Variants in CCDC178 observed in about 807,000 individuals in gnomAD.
CCDC178 encodes coiled-coil domain-containing protein 178.
Under a neutral mutation model 117.4 loss-of-function variants are expected in CCDC178, and 126 were observed. The observed-to-expected ratio is 1.07, with a 90% CI of 0.93 to 1.24. The LOEUF is 1.24. CCDC178 is among the 50% of genes most tolerant of loss of function. The pLI, the probability that CCDC178 is intolerant of heterozygous loss-of-function variation, is 0.00. For missense variants in CCDC178, 1,030 were observed against 986.9 expected (o/e 1.04, Z -0.59); for synonymous variants, 283 against 313.4 (o/e 0.90, Z 1.02).
intron 18 of CCDC178, among the ~76,000 whole-genome samples, chr18:33,218,600 C>T (rs2059195516): frequency 6.6e-6 from 1 of 152,082 alleles, no homozygotes; most frequent in Non-Finnish European, 1.5e-5. Context: ...ACATTTAAGT[C>T]TTTAATCCAT....
chr18:33,345,988 T>C (rs1014575449), intron 9 of CCDC178, among the ~76,000 whole-genome samples: 2 of 152,040 alleles, frequency 1.3e-5, no homozygotes, highest in African/African-American at 4.8e-5. Context: ...CCACCACGCC[T>C]GGCTAATTTT....
chr18:33,229,595 T>C (rs1457392680), intron 15 of CCDC178, among the ~76,000 whole-genome samples: 1 of 152,144 alleles, frequency 6.6e-6, no homozygotes, highest in East Asian at 1.9e-4. Flanking sequence ...AAGCTGGCAA[T>C]TGATGGAACC....
At chr18:33,400,272 A>G (rs781306648) in intron 3 of CCDC178, among the ~76,000 whole-genome samples, 7 of 152,078 alleles carry the variant, frequency 4.6e-5, no homozygotes, top group Non-Finnish European at 8.8e-5. Flanking sequence ...ATGGTAAATG[A>G]GCATTAACTT....
intron 7 of CCDC178, among the ~76,000 whole-genome samples, chr18:33,354,460 T>G (rs1357029081): frequency 6.6e-6 from 1 of 152,154 alleles, no homozygotes; most frequent in Non-Finnish European, 1.5e-5. Context: ...TTCATTTTTC[T>G]TTATTCTCTT....
chr18:32,960,938 G>A lies in CCDC178; in HGVS notation c.2523+13609C>T, dbSNP rs149781535. Among the ~76,000 whole-genome samples, 1,192 of 152,034 alleles carry A rather than the reference G, an allele frequency of 7.8e-3. 10 individuals are homozygous for A. Among genetic ancestry groups the A allele is most frequent in the Non-Finnish European group, 0.013 (872 of 67,958 alleles). On this transcript the variant is annotated intron_variant, in intron 22 of 22. Transcript: ENST00000383096. ...TATTATTCATTTATAATAATTCCAT[G>A]TTGTTAGAAAACTTATTCTTTACTA...
chr18:33,372,016 G>GTAA (rs2144763927), intron 5 of CCDC178, among the ~76,000 whole-genome samples: 1 of 152,144 alleles, frequency 6.6e-6, no homozygotes, highest in African/African-American at 2.4e-5. Context: ...AACAAGAATA[G>GTAA]TAATGATTCC....
intron 12 of CCDC178, among the ~76,000 whole-genome samples, chr18:33,286,694 C>A (rs2060102167): frequency 6.6e-6 from 1 of 151,936 alleles, no homozygotes; most frequent in Non-Finnish European, 1.5e-5. Context: ...CCAAAGGAAT[C>A]CACTTATATG....
intron 18 of CCDC178, among the ~76,000 whole-genome samples, chr18:33,220,381 A>G (rs189910): frequency 0.16 from 24,466 of 152,024 alleles, 2,742 homozygotes; most frequent in African/African-American, 0.32. Context: ...AGCTAGTTTA[A>G]GTGGTGATGA....
At chr18:33,050,935 TAG>T (rs1257479726) in intron 21 of CCDC178, among the ~76,000 whole-genome samples, 1 of 152,178 alleles carries the variant, frequency 6.6e-6, no homozygotes, top group Non-Finnish European at 1.5e-5. Flanking sequence ...TTGTTTGAGA[TAG>T]AGTCTCGGTC....
At chr18:32,980,575 A>C (rs2055133705) in intron 21 of CCDC178, among the ~76,000 whole-genome samples, 1 of 147,932 alleles carries the variant, frequency 6.8e-6, no homozygotes, top group Non-Finnish European at 1.5e-5. Context: ...CGTCTCAAAA[A>C]AAAAAAAAAA....
At chr18:33,308,783 G>C (rs1046885962) in intron 11 of CCDC178, among the ~76,000 whole-genome samples, 1 of 152,118 alleles carries the variant, frequency 6.6e-6, no homozygotes. Flanking sequence ...TTTTATAAGA[G>C]GTTTCCCCCT....
rs2057721446 is a variant in CCDC178, at chr18:33,107,335, C to G, written c.2239-14425G>C. On this transcript the variant is annotated intron_variant, in intron 20 of 22. Coordinates refer to ENST00000383096, the MANE Select transcript of CCDC178 (RefSeq NM_001105528.4). ...TTATTAATAAATAAATGTATTCCAT[C>G]ATTTATTCATTTATTTTGCATTTAA... Among the ~76,000 whole-genome samples, 9 of 151,496 alleles carry G rather than the reference C, an allele frequency of 5.9e-5. No homozygotes were observed. In the Admixed American group the frequency reaches 5.9e-4, roughly 10 times the overall value.
chr18:33,279,468 G>A (rs1422508138), intron 12 of CCDC178, among the ~76,000 whole-genome samples: 3 of 152,150 alleles, frequency 2.0e-5, no homozygotes, highest in African/African-American at 7.2e-5. Flanking sequence ...CAAACAAATG[G>A]AAGAACATTC....
intron 12 of CCDC178, among the ~76,000 whole-genome samples, chr18:33,275,457 T>C (rs1203419062): frequency 6.6e-6 from 1 of 151,706 alleles, no homozygotes; most frequent in Non-Finnish European, 1.5e-5. Context: ...TGAATTTATT[T>C]AAAAGTTAAA....
intron 20 of CCDC178, among the ~76,000 whole-genome samples, chr18:33,193,179 C>T (rs1306741303): frequency 7.6e-6 from 1 of 131,340 alleles, no homozygotes; most frequent in Non-Finnish European, 1.5e-5. Context: ...AGGAGAATGG[C>T]GTGAACCCGG....
chr18:33,376,760 T>C (rs1385929476), intron 5 of CCDC178, among the ~76,000 whole-genome samples: 3 of 152,200 alleles, frequency 2.0e-5, no homozygotes, highest in Admixed American at 2.0e-4. Flanking sequence ...GTTGCATCCA[T>C]GTTGCTGCAG....
intron 20 of CCDC178, among the ~76,000 whole-genome samples, chr18:33,139,063 T>C (rs1048539518): frequency 6.6e-6 from 1 of 152,186 alleles, no homozygotes; most frequent in African/African-American, 2.4e-5. Context: ...TCCTGTGCTG[T>C]TCTTGTAATA....
chr18:33,261,055 C>T (rs990488267), intron 14 of CCDC178, among the ~76,000 whole-genome samples: 2 of 150,832 alleles, frequency 1.3e-5, no homozygotes, highest in African/African-American at 2.4e-5. Flanking sequence ...TTTCCATATA[C>T]ATTTTAATAT....
chr18:33,393,680 T>G (rs1428016252), intron 4 of CCDC178, among the ~76,000 whole-genome samples: 1 of 152,182 alleles, frequency 6.6e-6, no homozygotes, highest in Non-Finnish European at 1.5e-5. Flanking sequence ...TCTTTTTCAC[T>G]GGTCCACATT....
Sources: allele counts gnomAD v4.1 joint callset (sites outside exome capture counted in the v4.1 genomes callset), GRCh38; gene constraint gnomAD v4.1.1; transcripts MANE v1.5; gene names NCBI Gene and HGNC (gene_info 2026-07-23, HGNC 2026-07-21).